Variants in NF2 observed in about 807,000 individuals in gnomAD.
The protein encoded by NF2 is merlin.
A neutral mutation model predicts 83.7 loss-of-function variants in NF2; 8 were observed. The ratio of observed to expected loss-of-function variants is 0.10; its 90% CI spans 0.06 to 0.17. The LOEUF is 0.17. Among genes scored for constraint, NF2 ranks in the 10% least tolerant of loss-of-function variants. The pLI, the probability that NF2 is intolerant of heterozygous loss-of-function variation, is 1.00. For synonymous variants in NF2, 266 were observed against 269.6 expected (o/e 0.99, Z 0.13); for missense variants, 533 against 744.4 (o/e 0.72, Z 3.31).
intron 1 of NF2, among the ~76,000 whole-genome samples, chr22:29,605,747 G>T (rs1199221670): frequency 6.6e-6 from 1 of 152,204 alleles, no homozygotes; most frequent in Non-Finnish European, 1.5e-5. Flanking sequence ...TTTGAACCAA[G>T]ATCATTCCCT....
intron 9 of NF2, among the ~76,000 whole-genome samples, 164 bp downstream of exon 9, chr22:29,665,228 A>G (rs969989608): frequency 1.4e-5 from 2 of 143,234 alleles, no homozygotes; most frequent in African/African-American, 5.1e-5. Context: ...AAATTATATC[A>G]TGAAGAAGTT....
intron 4 of NF2, among the ~76,000 whole-genome samples, chr22:29,649,145 C>CAA (rs376257256): frequency 1.4e-5 from 2 of 144,044 alleles, no homozygotes; most frequent in Non-Finnish European, 3.1e-5. Context: ...TAATGTGAAG[C>CAA]AAAAAAAAAA....
At chr22:29,624,919 C>T (rs570859864) in intron 1 of NF2, among the ~76,000 whole-genome samples, 52 of 144,110 alleles carry the variant, frequency 3.6e-4, no homozygotes, top group East Asian at 1.0e-3. Flanking sequence ...CTCTCTCTCT[C>T]TCTTTCTTTC....
chr22:29,620,386 A>G (rs1396901514), intron 1 of NF2, among the ~76,000 whole-genome samples: 2 of 152,110 alleles, frequency 1.3e-5, no homozygotes, highest in African/African-American at 4.8e-5. Context: ...GTACCACTGC[A>G]TGAAGCCTGG....
At chr22:29,643,444 G>T (rs1025297920) in intron 4 of NF2, among the ~76,000 whole-genome samples, 2 of 152,138 alleles carry the variant, frequency 1.3e-5, no homozygotes, top group Non-Finnish European at 1.5e-5. Flanking sequence ...GCGGACTTCC[G>T]CAGCGTTTGT....
intron 1 of NF2, among the ~76,000 whole-genome samples, chr22:29,629,774 G>A (rs563417812): frequency 2.0e-5 from 3 of 152,314 alleles, no homozygotes; most frequent in South Asian, 2.1e-4. Context: ...GGAGACAGCC[G>A]TTGAAACGGC....
Position 29,642,126 on chromosome 22 carries a change from G to A in NF2, c.364-76G>A, listed in dbSNP as rs1044714899. On this transcript the variant is annotated intron_variant, in intron 3 of 15. Coordinates refer to ENST00000338641, the MANE Select transcript of NF2 (RefSeq NM_000268.4). ...GGCAGCCCTCATTAGAACGCCGTGA[G>A]GCCATCTGTTGTGATCAGCCTACAC... is the stretch of plus-strand genomic sequence containing the variant. The A allele has an allele frequency of 4.2e-6, 5 of 1,191,278 alleles. No homozygotes were observed. The Admixed American group carries it at 6.8e-5, about 16-fold the overall frequency. The allele number at this position is 1,191,278 out of a possible 1,614,324, so 73.8% of individuals were successfully genotyped here. A position where few individuals can be genotyped will look rare whatever the true frequency, so the allele number is the denominator to read the frequency against.
Position 29,695,632 on chromosome 22 carries a change from GT to G in NF2, c.*831del, listed in dbSNP as rs1165544993. On this transcript the variant is annotated 3_prime_UTR_variant, in exon 16 of 16. Coordinates refer to ENST00000338641, the MANE Select transcript of NF2 (RefSeq NM_000268.4). The surrounding 1 kb of genome is among the most constrained non-coding windows in gnomAD (Gnocchi z 5.4). ...ACGCTCCTTCCTGTGTGGGGCTGGG[GT>G]ACTCCCTGGTCGTACTGCAGTCAGC... 8.5e-6 allele frequency: 2 copies of G among 234,070 alleles called. No individual in the cohort carries two copies. Among genetic ancestry groups the G allele is most frequent in the Non-Finnish European group, 1.7e-5 (2 of 118,722 alleles). The allele number at this position is 234,070 out of a possible 1,614,324, so 14.5% of individuals were successfully genotyped here.
intron 1 of NF2, among the ~76,000 whole-genome samples, chr22:29,631,063 A>G (rs958986967): frequency 6.6e-6 from 1 of 152,202 alleles, no homozygotes; most frequent in Non-Finnish European, 1.5e-5. Flanking sequence ...GTGACTGAAC[A>G]ACCCAGTTCC....
intron 15 of NF2, chr22:29,683,643 T>A (rs2067204473): frequency 9.2e-7 from 1 of 1,086,920 alleles, no homozygotes; most frequent in African/African-American, 1.6e-5. Context: ...GGGTCTGATA[T>A]GTGAGTCCAC....
rs1207246677 is a variant in NF2 at position 29,604,116 on chromosome 22, A to G, written c.114+4A>G. The G allele has an allele frequency of 6.3e-7, 1 of 1,593,252 alleles. No individual in the cohort carries two copies. The highest frequency in any genetic ancestry group is 2.3e-5 in the East Asian group (1 of 44,220). ...CGAGATGGAGTTCAATTGCGAGGTA[A>G]CCGGCCGGCAGCCCCGACTGCTGCG... On this transcript the variant is annotated splice_donor_region_variant and intron_variant, in intron 1 of 15. Transcript: ENST00000338641.
chr22:29,603,928 A>T lies in NF2; in HGVS notation c.-71A>T. 1 of 1,246,704 alleles carries T rather than the reference A, an allele frequency of 8.0e-7. No individual in the cohort carries two copies. The highest frequency in any genetic ancestry group is 1.3e-5 in the South Asian group (1 of 78,018). 77.2% of individuals were successfully genotyped at this position (1,246,704 alleles called of 1,614,324 possible). A position where few individuals can be genotyped will look rare whatever the true frequency, so the allele number is the denominator to read the frequency against. Reference sequence around the variant, plus strand: ...TGGTGGCCCTGAGGCCTGTGCAGCAACTCCAGGGGGGCTAAAGGGCTCAGA... The same window carrying T: ...TGGTGGCCCTGAGGCCTGTGCAGCATCTCCAGGGGGGCTAAAGGGCTCAGA... On this transcript the variant is annotated 5_prime_UTR_variant, in exon 1 of 16. Transcript: ENST00000338641.
chr22:29,668,482 G>A (rs764254851), intron 10 of NF2, 36 bp downstream of exon 10: 2 of 1,529,368 alleles, frequency 1.3e-6, no homozygotes, highest in South Asian at 2.3e-5. Flanking sequence ...TGATGTCACT[G>A]TGTGGTCAGT....
intron 3 of NF2, 111 bp downstream of exon 3, chr22:29,639,323 C>A: frequency 7.4e-7 from 1 of 1,351,118 alleles, no homozygotes; most frequent in South Asian, 1.2e-5. Flanking sequence ...AATATTCTAC[C>A]TCTGGAAGGT....
chr22:29,618,307 AAGG>A (rs1220046715), intron 1 of NF2, among the ~76,000 whole-genome samples: 1 of 152,192 alleles, frequency 6.6e-6, no homozygotes, highest in African/African-American at 2.4e-5. Context: ...TTTGAAAAAA[AAGG>A]AGAGAGAGAG....
At chr22:29,629,900 G>C (rs2065463305) in intron 1 of NF2, among the ~76,000 whole-genome samples, 1 of 152,162 alleles carries the variant, frequency 6.6e-6, no homozygotes, top group Non-Finnish European at 1.5e-5. Context: ...TTCTCCATAG[G>C]TTCTAATACC....
At chr22:29,671,070 G>A (rs1449236891) in intron 10 of NF2, among the ~76,000 whole-genome samples, 1 of 152,200 alleles carries the variant, frequency 6.6e-6, no homozygotes, top group Non-Finnish European at 1.5e-5. Context: ...GATTAGAAAT[G>A]GTGAGATGGC....
Position 29,622,749 on chromosome 22 carries a change from G to A in NF2, c.115-14002G>A, listed in dbSNP as rs1292852848. Among the ~76,000 whole-genome samples, 5 of 137,878 alleles carry A rather than the reference G, an allele frequency of 3.6e-5. No homozygotes were observed. The East Asian group carries it at 7.8e-4, about 21-fold the overall frequency. 90.5% of individuals were successfully genotyped at this position (137,878 alleles called of 152,430 possible). A position where few individuals can be genotyped will look rare whatever the true frequency, so the allele number is the denominator to read the frequency against. ...CTGCTCACTGCAACCTCCACCTCCC[G>A]GGTTCAAGCAATTCTCTTGCCTCAG... On this transcript the variant is annotated intron_variant, in intron 1 of 15. Coordinates refer to ENST00000338641, the MANE Select transcript of NF2 (RefSeq NM_000268.4).
intron 8 of NF2, among the ~76,000 whole-genome samples, chr22:29,662,876 G>C (rs1254734090): frequency 6.6e-6 from 1 of 152,218 alleles, no homozygotes; most frequent in Non-Finnish European, 1.5e-5. Context: ...CCTGGTACCT[G>C]CACAGCCAGG....
Sources: gnomAD v4.1 joint callset for allele counts (sites outside exome capture counted in the v4.1 genomes callset) on GRCh38, gnomAD v4.1.1 for gene constraint, Gnocchi (gnomAD v3.1) non-coding constraint, MANE v1.5 for transcripts, NCBI Gene and HGNC (gene_info 2026-07-23, HGNC 2026-07-21) for gene names.